TRAPPC9: variants seen among roughly 807,000 people sequenced by gnomAD.
The protein encoded by TRAPPC9 is IKK2 binding protein.
TRAPPC9 carries 83 observed loss-of-function variants against 124.0 expected under a neutral mutation model. The observed-to-expected ratio is 0.67, with a 90% confidence interval of 0.56 to 0.80. The LOEUF (loss-of-function observed/expected upper bound fraction) is 0.80. Ranked by LOEUF, TRAPPC9 falls within the 30% of genes least tolerant of loss-of-function variation. The pLI is 0.00. For synonymous variants in TRAPPC9, 638 were observed against 617.5 expected (o/e 1.03, Z -0.49); for missense variants, 1,302 against 1,508.3 (o/e 0.86, Z 2.27).
intron 19 of TRAPPC9, among the ~76,000 whole-genome samples, chr8:139,957,719 C>T (rs1462400539): frequency 2.6e-5 from 4 of 152,090 alleles, no homozygotes; most frequent in Non-Finnish European, 4.4e-5. Context: ...CAGCCACAGC[C>T]GCAGGGGTGG....
intron 9 of TRAPPC9, among the ~76,000 whole-genome samples, chr8:140,322,907 C>A (rs938168260): frequency 6.6e-6 from 1 of 152,184 alleles, no homozygotes; most frequent in Non-Finnish European, 1.5e-5. Context: ...ATCTACTTGG[C>A]CTTTGACTAC....
At position 139,885,240 on chromosome 8, in the gene TRAPPC9, T is replaced by C. The variant is rs117757349; in HGVS notation, c.3055+639A>G. Among the ~76,000 whole-genome samples, 922 of 152,218 alleles carry C rather than the reference T, an allele frequency of 6.1e-3. 6 individuals are homozygous for C. Among genetic ancestry groups the C allele is most frequent in the Non-Finnish European group, 9.9e-3 (673 of 68,012 alleles). ...TGTTTCTCAGCAAAATATTTTTGAG[T>C]TCAATGTAGAAAGGCACAGTGTAGG... On this transcript the variant is annotated intron_variant, in intron 21 of 22. Transcript: ENST00000438773.
At chr8:140,062,745 G>T (rs967026810) in intron 17 of TRAPPC9, among the ~76,000 whole-genome samples, 2 of 152,028 alleles carry the variant, frequency 1.3e-5, no homozygotes, top group Non-Finnish European at 2.9e-5. Flanking sequence ...TTACCGGCAC[G>T]CACAGTGGCA....
intron 19 of TRAPPC9, among the ~76,000 whole-genome samples, chr8:139,950,909 G>C (rs1030348682): frequency 5.9e-5 from 9 of 152,216 alleles, no homozygotes; most frequent in Non-Finnish European, 1.2e-4. Context: ...GGCGCGGCAG[G>C]GAGGGAGCCG....
chr8:140,439,778 A>G (rs2070942673), intron 2 of TRAPPC9, among the ~76,000 whole-genome samples: 1 of 152,234 alleles, frequency 6.6e-6, no homozygotes, highest in Admixed American at 6.5e-5. Flanking sequence ...CAACTCAGAA[A>G]CCAAAGAAAC....
chr8:139,940,108 T>C (rs563530384), intron 19 of TRAPPC9, among the ~76,000 whole-genome samples: 37 of 152,194 alleles, frequency 2.4e-4, no homozygotes, highest in Non-Finnish European at 4.6e-4. Flanking sequence ...CGTCGTTTGG[T>C]TGGAACACAT....
chr8:139,923,679 G>A (rs1162975047), intron 19 of TRAPPC9, among the ~76,000 whole-genome samples: 3 of 152,196 alleles, frequency 2.0e-5, no homozygotes, highest in Non-Finnish European at 2.9e-5. Context: ...GAGACAGAAG[G>A]TCTGTGTGTT....
chr8:140,227,740 G>A (rs754075300), intron 16 of TRAPPC9, among the ~76,000 whole-genome samples: 51 of 152,348 alleles, frequency 3.3e-4, no homozygotes, highest in Non-Finnish European at 4.9e-4. Flanking sequence ...GGCCACGTCC[G>A]TGGCCTGGCA....
intron 12 of TRAPPC9, among the ~76,000 whole-genome samples, chr8:140,290,556 G>A (rs994812541): frequency 2.1e-4 from 4 of 19,234 alleles, no homozygotes; most frequent in African/African-American, 1.0e-3. Context: ...AAAGCTCGTG[G>A]TGGTGGTGGT....
At chr8:140,000,306 C>G (rs1379578085) in intron 18 of TRAPPC9, among the ~76,000 whole-genome samples, 2 of 152,144 alleles carry the variant, frequency 1.3e-5, no homozygotes, top group Admixed American at 1.3e-4. Flanking sequence ...CATTGCCATT[C>G]AGGACATAGG....
At position 140,334,911 on chromosome 8, in the gene TRAPPC9, G is replaced by A. The variant is rs915760370; in HGVS notation, c.1496-23537C>T. On this transcript the variant is annotated intron_variant, in intron 9 of 22. Coordinates refer to ENST00000438773, the MANE Select transcript of TRAPPC9 (RefSeq NM_001160372.4). ...TAATTTCTTAATAACAGGAAACAGG[G>A]AAAGTACAAGAACAGAGCATGCTAC... 2.0e-5 allele frequency among the ~76,000 whole-genome samples: 3 copies of A among 151,906 alleles called. No homozygotes were observed. The East Asian group carries it at 5.8e-4, about 29-fold the overall frequency.
intron 17 of TRAPPC9, among the ~76,000 whole-genome samples, chr8:140,205,984 C>T (rs115754785): frequency 1.3e-5 from 2 of 152,338 alleles, no homozygotes; most frequent in African/African-American, 4.8e-5. Flanking sequence ...TGAACCGATC[C>T]TTCACACATT....
intron 9 of TRAPPC9, among the ~76,000 whole-genome samples, chr8:140,356,400 G>A (rs2067746179): frequency 6.6e-6 from 1 of 152,180 alleles, no homozygotes; most frequent in African/African-American, 2.4e-5. Context: ...CGGCTCATCA[G>A]CCTGACACAG....
At position 140,349,339 on chromosome 8, in the gene TRAPPC9, C is replaced by CTGAAGGAGGCA. The variant is rs1351277361; in HGVS notation, c.1495+10710_1495+10711insTGCCTCCTTCA. ...CGCAAGGAGAGGGCACACAAGGGGG[C>CTGAAGGAGGCA]CGAAGGGGGCGCGCGAGGGAAGGGC... On this transcript the variant is annotated intron_variant, in intron 9 of 22. Transcript: ENST00000438773. 2.4e-4 allele frequency among the ~76,000 whole-genome samples: 30 copies of CTGAAGGAGGCA among 126,022 alleles called. 3 individuals are homozygous for CTGAAGGAGGCA. The highest frequency in any genetic ancestry group is 4.8e-4 in the African/African-American group (15 of 31,332). The allele number at this position is 126,022 out of a possible 152,430, so 82.7% of individuals were successfully genotyped here. A position where few individuals can be genotyped will look rare whatever the true frequency, so the allele number is the denominator to read the frequency against.
At position 140,439,103 on chromosome 8, in the gene TRAPPC9, G is replaced by T. The variant is rs1180383332; in HGVS notation, c.679C>A (p.His227Asn). 1 of 1,614,168 alleles carries T rather than the reference G, an allele frequency of 6.2e-7. No individual in the cohort carries two copies. The highest frequency in any genetic ancestry group is 8.5e-7 in the Non-Finnish European group (1 of 1,180,036). Residue 227 changes from histidine (H) to asparagine (N), a missense_variant, in exon 3 of 23, where the codon CAC becomes AAC. By Grantham distance (68) the His-to-Asn change is moderately conservative. This residue lies in a region of TRAPPC9 where 657 missense variants were observed against 811.2 expected (regional missense o/e 0.81). Coordinates refer to ENST00000438773, the MANE Select transcript of TRAPPC9 (RefSeq NM_001160372.4). ...GMLQDSLVHY[H>N]MSVELLRSVN... ...GAACGCAGCAGCTCCACCGACATGT[G>T]GTAATGCACCAGGGAGTCCTGCAGC...
At chr8:140,360,786 T>G (rs2067929559) in intron 8 of TRAPPC9, among the ~76,000 whole-genome samples, 1 of 152,096 alleles carries the variant, frequency 6.6e-6, no homozygotes. Flanking sequence ...CAGGCTGGAG[T>G]GTGGTGGTGC....
chr8:140,373,556 A>G (rs1197034628), intron 7 of TRAPPC9, among the ~76,000 whole-genome samples: 2 of 152,142 alleles, frequency 1.3e-5, no homozygotes, highest in Non-Finnish European at 2.9e-5. Context: ...TTACCTACAT[A>G]TCGGATCTCT....
At chr8:139,881,908 G>T (rs1051296794) in intron 21 of TRAPPC9, among the ~76,000 whole-genome samples, 6 of 152,196 alleles carry the variant, frequency 3.9e-5, no homozygotes, top group Non-Finnish European at 5.9e-5. Context: ...CTGTCCCCCA[G>T]ACTGAAGAGC....
At chr8:140,082,444 C>T (rs1053101689) in intron 17 of TRAPPC9, among the ~76,000 whole-genome samples, 3 of 152,158 alleles carry the variant, frequency 2.0e-5, no homozygotes, top group African/African-American at 7.2e-5. Flanking sequence ...AGGGCATCTG[C>T]ATTTCCCAAA....
Sources: gnomAD v4.1 joint callset for allele counts (sites outside exome capture counted in the v4.1 genomes callset) on GRCh38, gnomAD v4.1.1 for gene constraint, gnomAD v4.1.1 regional missense constraint, MANE v1.5 for transcripts, NCBI Gene and HGNC (gene_info 2026-07-23, HGNC 2026-07-21) for gene names.